MSR1: variants seen among roughly 807,000 people sequenced by gnomAD.
The protein encoded by MSR1 is macrophage scavenger receptor types I and II.
A neutral mutation model predicts 47.2 loss-of-function variants in MSR1; 53 were observed. The observed-to-expected ratio is 1.12, with a 90% CI of 0.90 to 1.41. The LOEUF (loss-of-function observed/expected upper bound fraction) is 1.41, where lower values mean the gene tolerates loss of function less well. Among genes scored for constraint, MSR1 ranks in the 40% most tolerant of loss-of-function variants. The pLI, the probability that MSR1 is intolerant of heterozygous loss-of-function variation, is 0.00. For missense variants in MSR1, 786 were observed against 546.9 expected (o/e 1.44, Z -4.36); for synonymous variants, 239 against 185.6 (o/e 1.29, Z -2.34).
intron 8 of MSR1, chr8:16,121,279 T>C (rs1800000583): frequency 3.2e-6 from 1 of 310,560 alleles, no homozygotes; most frequent in Non-Finnish European, 6.3e-6. Context: ...ATTCAAATAG[T>C]AAACTACAAA....
intron 1 of MSR1, among the ~76,000 whole-genome samples, chr8:16,181,314 G>C (rs1436903830): frequency 6.6e-6 from 1 of 152,112 alleles, no homozygotes; most frequent in African/African-American, 2.4e-5. Flanking sequence ...CCCACCAACA[G>C]TGTAAAAGCA....
chr8:16,113,394 G>C, intron 9 of MSR1, among the ~76,000 whole-genome samples: 1 of 152,104 alleles, frequency 6.6e-6, no homozygotes, highest in Admixed American at 6.5e-5. Flanking sequence ...GATGAGATTT[G>C]AGATCAGCTG....
At chr8:16,154,993 C>T in intron 6 of MSR1, 71 bp downstream of exon 6, 1 of 1,282,048 alleles carries the variant, frequency 7.8e-7, no homozygotes, top group Non-Finnish European at 1.1e-6. Flanking sequence ...AGCAATCCTC[C>T]CCTACACATG....
chr8:16,175,710 A>T (rs1373730615), intron 2 of MSR1, among the ~76,000 whole-genome samples: 2 of 152,230 alleles, frequency 1.3e-5, no homozygotes, highest in African/African-American at 4.8e-5. Context: ...TTTTAAAATC[A>T]GATAGGGCAA....
chr8:16,141,797 G>C (rs1316576651), intron 8 of MSR1, among the ~76,000 whole-genome samples: 1 of 152,100 alleles, frequency 6.6e-6, no homozygotes, highest in African/African-American at 2.4e-5. Context: ...ATGGAAGACA[G>C]TGGGGTGCTG....
intron 1 of MSR1, chr8:16,186,172 G>C: frequency 6.5e-7 from 1 of 1,535,046 alleles, no homozygotes; most frequent in Non-Finnish European, 8.7e-7. Context: ...TTTTTGTTGA[G>C]AAGAGAGATA....
In MSR1 at chr8:16,120,614, GT is replaced by G. The variant is rs759103817; in HGVS notation, c.1034-9del. On this transcript the variant is annotated splice_polypyrimidine_tract_variant and intron_variant, in intron 8 of 9. Transcript: ENST00000262101. Reference sequence around the variant, plus strand: ...GAACTTTCGTAAATGGAGCTGTAAAGTTAAAAAAAAAAAAAAAAAAAAAAAA... The same window carrying G: ...GAACTTTCGTAAATGGAGCTGTAAAGTAAAAAAAAAAAAAAAAAAAAAAAA... 1,383 of 688,358 alleles carry G rather than the reference GT, an allele frequency of 2.0e-3. 36 individuals are homozygous for G. The African/African-American group carries it at 0.047, about 23-fold the overall frequency. 42.6% of individuals were successfully genotyped at this position (688,358 alleles called of 1,614,324 possible).
Position 16,144,463 on chromosome 8 carries a change from A to G in MSR1, c.980-852T>C, listed in dbSNP as rs77609957. 4.5e-3 allele frequency among the ~76,000 whole-genome samples: 687 copies of G among 152,216 alleles called. 6 individuals are homozygous for G. The highest frequency in any genetic ancestry group is 0.015 in the African/African-American group (640 of 41,552). The stretch of plus-strand genomic sequence containing the variant: ...TGTCTCAAAGTCAAAACCTTTGTTA[A>G]TGTTTTTGATTCCCTCCAGCAAAAC... On this transcript the variant is annotated intron_variant, in intron 7 of 9. Coordinates refer to ENST00000262101, the MANE Select transcript of MSR1 (RefSeq NM_138715.3).
At chr8:16,183,937 G>C (rs1801918987) in intron 1 of MSR1, among the ~76,000 whole-genome samples, 1 of 146,810 alleles carries the variant, frequency 6.8e-6, no homozygotes, top group African/African-American at 2.5e-5. Context: ...ACAAAAGTGA[G>C]TGATTAACTC....
At chr8:16,153,300 A>G (rs946099496) in intron 6 of MSR1, among the ~76,000 whole-genome samples, 1 of 152,066 alleles carries the variant, frequency 6.6e-6, no homozygotes, top group Admixed American at 6.6e-5. Context: ...CTGGTGGAGA[A>G]ACGAACAGAA....
chr8:16,180,008 C>T (rs1801780401), intron 1 of MSR1, among the ~76,000 whole-genome samples: 1 of 151,752 alleles, frequency 6.6e-6, no homozygotes. Flanking sequence ...CCATGTTGTC[C>T]AGGCTGATCT....
intron 9 of MSR1, among the ~76,000 whole-genome samples, chr8:16,112,209 GAC>G (rs1191099037): frequency 1.3e-5 from 2 of 152,252 alleles, no homozygotes; most frequent in East Asian, 3.9e-4. Context: ...AACAGTTTCA[GAC>G]ACAGTGAAAA....
At chr8:16,112,776 T>C (rs1799786811) in intron 9 of MSR1, among the ~76,000 whole-genome samples, 3 of 151,850 alleles carry the variant, frequency 2.0e-5, no homozygotes, top group African/African-American at 4.8e-5. Context: ...TGGAAAGCTA[T>C]ACAAAAATTA....
At chr8:16,171,173 G>A (rs1194348437) in intron 3 of MSR1, among the ~76,000 whole-genome samples, 4 of 143,386 alleles carry the variant, frequency 2.8e-5, no homozygotes, top group East Asian at 2.1e-4. Context: ...GCAGTGTGCC[G>A]AGATTGTGCC....
intron 2 of MSR1, among the ~76,000 whole-genome samples, chr8:16,177,239 T>C (rs1192807795): frequency 6.6e-6 from 1 of 152,112 alleles, no homozygotes; most frequent in East Asian, 1.9e-4. Context: ...TCTTTGGAGA[T>C]GTAATCAAGT....
chr8:16,131,219 G>A (rs1436682308), intron 8 of MSR1, among the ~76,000 whole-genome samples: 1 of 152,046 alleles, frequency 6.6e-6, no homozygotes, highest in Non-Finnish European at 1.5e-5. Flanking sequence ...CTTTTGGTTT[G>A]CATTTCTCTA....
chr8:16,186,097 C>G, intron 1 of MSR1: 1 of 1,323,312 alleles, frequency 7.6e-7, no homozygotes, highest in African/African-American at 1.5e-5. Flanking sequence ...GCAAGATTGG[C>G]AGTAATAAAT....
At chr8:16,188,347 C>A (rs1443072445) in intron 1 of MSR1, among the ~76,000 whole-genome samples, 3 of 151,822 alleles carry the variant, frequency 2.0e-5, no homozygotes, top group Middle Eastern at 3.4e-3. Flanking sequence ...AGGAAAAAAA[C>A]CCTTAATTTT....
intron 9 of MSR1, among the ~76,000 whole-genome samples, chr8:16,112,077 A>G (rs1193619037): frequency 6.6e-6 from 1 of 152,150 alleles, no homozygotes; most frequent in Non-Finnish European, 1.5e-5. Context: ...ATATACAATC[A>G]TGCCAGAGCA....
Sources: gnomAD v4.1 joint callset for allele counts (sites outside exome capture counted in the v4.1 genomes callset) on GRCh38, gnomAD v4.1.1 for gene constraint, MANE v1.5 for transcripts, NCBI Gene and HGNC (gene_info 2026-07-23, HGNC 2026-07-21) for gene names.